The following PRKCA variants were observed in gnomAD, a reference collection of about 807,000 sequenced individuals.
PRKCA encodes the protein protein kinase C alpha.
In PRKCA, 27 loss-of-function variants were observed where a neutral mutation model predicts 87.0. The observed-to-expected ratio is 0.31, with a 90% CI of 0.23 to 0.43. The LOEUF (loss-of-function observed/expected upper bound fraction) is 0.43. PRKCA is among the 20% of genes least tolerant of loss of function. The pLI is 1.00. For missense variants in PRKCA, 518 were observed against 852.3 expected (o/e 0.61, Z 4.88); for synonymous variants, 329 against 311.1 (o/e 1.06, Z -0.61).
intron 14 of PRKCA, chr17:66,777,208 C>T: frequency 2.0e-6 from 2 of 985,422 alleles, no homozygotes; most frequent in Non-Finnish European, 2.4e-6. Flanking sequence ...AACACTGTGA[C>T]CATGAACGTC....
chr17:66,552,023 CA>C (rs1293856730), intron 3 of PRKCA, among the ~76,000 whole-genome samples: 5 of 152,232 alleles, frequency 3.3e-5, no homozygotes, highest in African/African-American at 1.2e-4. Flanking sequence ...TTTGGCCAGG[CA>C]CAATGACTCA....
At position 66,765,424 on chromosome 17, in the gene PRKCA, A is replaced by ATC. The variant is rs1568020889; in HGVS notation, c.1525-8562_1525-8561insCT. 8.1e-3 allele frequency among the ~76,000 whole-genome samples: 997 copies of ATC among 122,658 alleles called. 18 individuals are homozygous for ATC. The highest frequency in any genetic ancestry group is 0.024 in the Middle Eastern group (6 of 250). 80.5% of individuals were successfully genotyped at this position (122,658 alleles called of 152,430 possible). A position where few individuals can be genotyped will look rare whatever the true frequency, so the allele number is the denominator to read the frequency against. ...CGACAGAGCAAGACTTTGTCTATAT[A>ATC]TATATATATATATATATATATATAT... On this transcript the variant is annotated intron_variant, in intron 13 of 16. Transcript: ENST00000413366.
At chr17:66,424,339 C>T (rs1342032688) in intron 2 of PRKCA, among the ~76,000 whole-genome samples, 5 of 151,932 alleles carry the variant, frequency 3.3e-5, no homozygotes, top group East Asian at 1.9e-4. Context: ...TTTGGGAGGC[C>T]GAGGCTGGTG....
chr17:66,741,047 C>T (rs1434689226), intron 11 of PRKCA, among the ~76,000 whole-genome samples: 3 of 152,174 alleles, frequency 2.0e-5, no homozygotes, highest in Non-Finnish European at 2.9e-5. Flanking sequence ...TCAAAGACTC[C>T]TGAATGCTAT....
At chr17:66,516,688 A>G (rs1966980938) in intron 3 of PRKCA, among the ~76,000 whole-genome samples, 1 of 152,138 alleles carries the variant, frequency 6.6e-6, no homozygotes, top group African/African-American at 2.4e-5. Context: ...TCTAGGAAGA[A>G]GGGTGGACTC....
intron 2 of PRKCA, among the ~76,000 whole-genome samples, chr17:66,355,332 C>T (rs1035424797): frequency 6.6e-6 from 1 of 152,170 alleles, no homozygotes; most frequent in East Asian, 1.9e-4. Context: ...AGGCTCCTTC[C>T]TCTCCTTGCC....
intron 3 of PRKCA, among the ~76,000 whole-genome samples, chr17:66,570,797 T>C (rs528153949): frequency 6.6e-6 from 1 of 152,290 alleles, no homozygotes; most frequent in African/African-American, 2.4e-5. Flanking sequence ...CATTAGCAGA[T>C]TGGCAGCATA....
intron 2 of PRKCA, among the ~76,000 whole-genome samples, chr17:66,340,366 CTTTTTTTTTTTTTCTT>C: frequency 8.1e-6 from 1 of 124,200 alleles, no homozygotes; most frequent in East Asian, 2.5e-4. Context: ...TGTTTGGTTT[CTTTTTTTTTTTTTCTT>C]TTTTTTTTTT....
At chr17:66,771,343 G>T (rs893129427) in intron 13 of PRKCA, among the ~76,000 whole-genome samples, 1 of 152,148 alleles carries the variant, frequency 6.6e-6, no homozygotes, top group African/African-American at 2.4e-5. Context: ...TGAGTTAGAA[G>T]CATTTATTTT....
chr17:66,643,951 C>A (rs1442453419), intron 4 of PRKCA, among the ~76,000 whole-genome samples: 2 of 152,212 alleles, frequency 1.3e-5, no homozygotes, highest in African/African-American at 2.4e-5. Context: ...GCAGAGACTG[C>A]AACACGGCCC....
intron 8 of PRKCA, among the ~76,000 whole-genome samples, chr17:66,702,267 C>T (rs1247539087): frequency 1.3e-5 from 2 of 151,904 alleles, no homozygotes; most frequent in Non-Finnish European, 1.5e-5. Context: ...ACATTTGTAA[C>T]GCATGGATGA....
At chr17:66,516,993 C>A (rs1966988527) in intron 3 of PRKCA, among the ~76,000 whole-genome samples, 1 of 152,122 alleles carries the variant, frequency 6.6e-6, no homozygotes, top group African/African-American at 2.4e-5. Context: ...TGTACTCTTT[C>A]TTCAAGAATC....
intron 3 of PRKCA, among the ~76,000 whole-genome samples, chr17:66,613,041 G>A (rs1970412336): frequency 6.6e-6 from 1 of 152,188 alleles, no homozygotes; most frequent in Non-Finnish European, 1.5e-5. Flanking sequence ...AGTTGCAATT[G>A]TGTACAGGGA....
chr17:66,719,934 A>G (rs1387871987), intron 8 of PRKCA, among the ~76,000 whole-genome samples: 1 of 152,242 alleles, frequency 6.6e-6, no homozygotes, highest in East Asian at 1.9e-4. Context: ...TAAAAATGTT[A>G]TATGAAAAGC....
chr17:66,393,263 T>G (rs564490238), intron 2 of PRKCA, among the ~76,000 whole-genome samples: 2 of 152,148 alleles, frequency 1.3e-5, no homozygotes, highest in Admixed American at 6.5e-5. Flanking sequence ...TGACTTTACA[T>G]TGGAGGAAGA....
intron 3 of PRKCA, among the ~76,000 whole-genome samples, chr17:66,636,251 G>A (rs946947237): frequency 1.3e-5 from 2 of 152,196 alleles, no homozygotes; most frequent in Non-Finnish European, 2.9e-5. Flanking sequence ...CAGCTCTGTC[G>A]CTAACACTGT....
intron 2 of PRKCA, among the ~76,000 whole-genome samples, chr17:66,317,712 A>G (rs1270675563): frequency 6.6e-6 from 1 of 152,208 alleles, no homozygotes; most frequent in Non-Finnish European, 1.5e-5. Flanking sequence ...CTGGTTTAGA[A>G]AGCTTGGCTC....
intron 9 of PRKCA, among the ~76,000 whole-genome samples, chr17:66,734,504 A>T (rs1973977415): frequency 6.6e-6 from 1 of 152,162 alleles, no homozygotes; most frequent in South Asian, 2.1e-4. Flanking sequence ...ACATGCTAAT[A>T]ATGCATATAA....
chr17:66,790,241 G>A (rs574861777), intron 16 of PRKCA, among the ~76,000 whole-genome samples: 1 of 152,324 alleles, frequency 6.6e-6, no homozygotes, highest in African/African-American at 2.4e-5. Flanking sequence ...TAAAACTGCT[G>A]TTGGTGAGCC....
Sources: allele counts gnomAD v4.1 joint callset (sites outside exome capture counted in the v4.1 genomes callset), GRCh38; gene constraint gnomAD v4.1.1; transcripts MANE v1.5; gene names NCBI Gene and HGNC (gene_info 2026-07-23, HGNC 2026-07-21).